CDH26: variants seen among roughly 807,000 people sequenced by gnomAD.
CDH26 encodes cadherin-like protein 26.
In CDH26, 83 loss-of-function variants were observed where a neutral mutation model predicts 90.3. The ratio of observed to expected loss-of-function variants is 0.92; its 90% confidence interval spans 0.77 to 1.10. CDH26 has a LOEUF of 1.10. CDH26 is among the 50% of genes least tolerant of loss of function. The pLI is 0.00. For missense variants in CDH26, 1,013 were observed against 1,037.6 expected, an observed-to-expected ratio of 0.98 and a Z score of 0.33; for synonymous variants, 397 against 396.3, an observed-to-expected ratio of 1.00 and a Z score of -0.02.
Position 60,021,865 on chromosome 20 carries a change from C to CACACACACACACACACACACACAT in CDH26, c.948-9343_948-9342insTACACACACACACACACACACACA, listed in dbSNP as rs1555903626. The stretch of plus-strand genomic sequence containing the variant: ...CCTTATCTGTACACACACACACACA[C>CACACACACACACACACACACACAT]ACACACACACACACACACACACACA... On this transcript the variant is annotated intron_variant, in intron 7 of 8. Transcript: ENST00000370991. 5.2e-3 allele frequency among the ~76,000 whole-genome samples: 393 copies of CACACACACACACACACACACACAT among 75,882 alleles called. 9 individuals are homozygous for CACACACACACACACACACACACAT. The highest frequency in any genetic ancestry group is 0.016 in the African/African-American group (360 of 22,474). The allele number at this position is 75,882 out of a possible 152,430, so 49.8% of individuals were successfully genotyped here.
At chr20:59,999,387 A>C (rs1316046968) in intron 13 of CDH26, among the ~76,000 whole-genome samples, 199 bp from the exon 14 acceptor site, 1 of 152,218 alleles carries the variant, frequency 6.6e-6, no homozygotes, top group Non-Finnish European at 1.5e-5. Context: ...CAATTACAAA[A>C]GGCAAACAGA....
At chr20:60,033,863 A>T in exon 9 of CDH26, 1 of 828,376 alleles carries the variant, frequency 1.2e-6, no homozygotes, top group Non-Finnish European at 1.5e-6. Flanking sequence ...TCCTCTGCAA[A>T]CTGTGGATGG....
exon 8 of CDH26, chr20:60,031,318 A>C: frequency 7.7e-7 from 1 of 1,295,944 alleles, no homozygotes; most frequent in Middle Eastern, 2.1e-4. Flanking sequence ...GCCACAAGAC[A>C]TTTACAAGGA....
At chr20:59,963,889 C>T (rs1377682824) in intron 1 of CDH26, among the ~76,000 whole-genome samples, 1 of 152,046 alleles carries the variant, frequency 6.6e-6, no homozygotes, top group Non-Finnish European at 1.5e-5. Context: ...CCTCACTGTC[C>T]AATTTCATTA....
intron 4 of CDH26, among the ~76,000 whole-genome samples, chr20:59,977,828 T>TA (rs2061344999): frequency 6.6e-6 from 1 of 152,218 alleles, no homozygotes; most frequent in Non-Finnish European, 1.5e-5. Flanking sequence ...CTTGGCATCT[T>TA]ACGTTTTATG....
intron 7 of CDH26, among the ~76,000 whole-genome samples, chr20:60,023,253 A>G (rs2061972394): frequency 6.6e-6 from 1 of 152,256 alleles, no homozygotes; most frequent in Non-Finnish European, 1.5e-5. Flanking sequence ...AAAGTGAGGA[A>G]GAATTAAATG....
Position 59,989,085 on chromosome 20 carries a change from T to A in CDH26, c.1205T>A (p.Ile402Asn), listed in dbSNP as rs764807038. 2 of 1,614,016 alleles carry A rather than the reference T, an allele frequency of 1.2e-6. No homozygotes were observed. The highest frequency in any genetic ancestry group is 1.7e-6 in the Non-Finnish European group (2 of 1,180,038). Residue 402 changes from isoleucine to asparagine, a missense_variant, in exon 9 of 18, where the codon ATT becomes AAT. By Grantham distance (149) the Ile-to-Asn change is moderately radical (BLOSUM62 -3). Transcript: ENST00000348616. ...CCAGCCTTTCACCCCCAGAGCTTCA[T>A]TGTCAATAAAGAGGAGGGCGCCAGG... The part of the protein sequence containing the change: ...DPPAFHPQSF[I>N]VNKEEGARPG...
At chr20:60,027,262 G>A (rs2062005245) in intron 7 of CDH26, among the ~76,000 whole-genome samples, 1 of 152,124 alleles carries the variant, frequency 6.6e-6, no homozygotes, top group Non-Finnish European at 1.5e-5. Flanking sequence ...GGAGGGTGAT[G>A]GTCATAGGGT....
At chr20:60,005,197 T>A (rs982801623) in intron 16 of CDH26, among the ~76,000 whole-genome samples, 52 of 152,322 alleles carry the variant, frequency 3.4e-4, no homozygotes, top group Non-Finnish European at 6.3e-4. Context: ...ATAATACATA[T>A]GACATACAAA....
intron 15 of CDH26, 109 bp downstream of exon 15, chr20:60,001,520 G>T: frequency 6.8e-7 from 1 of 1,475,580 alleles, no homozygotes; most frequent in African/African-American, 1.4e-5. Flanking sequence ...GTCAGAAAAA[G>T]GCACATAGTC....
chr20:60,001,405 G>A lies in CDH26; in HGVS notation c.2160G>A (p.Gly720=). The A allele has an allele frequency of 3.7e-6, 6 of 1,613,834 alleles. No homozygotes were observed. Among genetic ancestry groups the A allele is most frequent in the Middle Eastern group, 1.7e-4 (1 of 6,052 alleles). ...CAGCCCAAGCACGCTGTGCTCTGGG[G>A]AGCTGGGTGAGTTCCAGAAGGTTGC... is the stretch of plus-strand genomic sequence containing the variant. ...SQSAQARCAL[G]SWGYGKPFEP... is the part of the protein sequence containing the mutation. Residue 720 remains glycine (G), a synonymous_variant, in exon 15 of 18, where the codon GGG becomes GGA. Coordinates refer to ENST00000348616, the MANE Select transcript of CDH26 (RefSeq NM_177980.4).
chr20:60,006,549 C>G (rs991252161), intron 16 of CDH26, among the ~76,000 whole-genome samples, 164 bp from the exon 17 acceptor site: 1 of 152,206 alleles, frequency 6.6e-6, no homozygotes, highest in African/African-American at 2.4e-5. Context: ...TCTCCCCCAA[C>G]ACAAAGAGAG....
chr20:60,034,431 C>G (rs568666015), downstream of CDH26, among the ~76,000 whole-genome samples: 8 of 152,316 alleles, frequency 5.3e-5, no homozygotes, highest in East Asian at 1.4e-3. Context: ...AGGCCCAGAG[C>G]AGAGACCCAG....
intron 4 of CDH26, among the ~76,000 whole-genome samples, chr20:59,978,768 T>A (rs2061356113): frequency 6.6e-6 from 1 of 152,204 alleles, no homozygotes; most frequent in East Asian, 1.9e-4. Context: ...CTTTTCTCTC[T>A]GGTCTAATTC....
At position 60,006,787 on chromosome 20, in the gene CDH26, G is replaced by C. The variant is rs557927275; in HGVS notation, c.2295G>C (p.Gln765His). ...VEGRMAETLN[Q>H]KLHVANVLED... is the part of the protein sequence containing the mutation. ...GAAGGATGGCAGAGACATTGAATCA[G>C]GTAGGGAGAGCTCCCCTTGTGCTGT... is the stretch of plus-strand genomic sequence containing the variant. Residue 765 changes from glutamine to histidine, a missense_variant and splice_region_variant, in exon 17 of 18, where the codon CAG becomes CAC. Transcript: ENST00000348616. The C allele has an allele frequency of 3.1e-6, 5 of 1,612,660 alleles. No homozygotes were observed. The South Asian group carries it at 5.5e-5, about 18-fold the overall frequency.
At position 60,023,418 on chromosome 20, in the gene CDH26, G is replaced by A. The variant is rs199754345; in HGVS notation, c.948-7813G>A. ...TAATGGATGTGTTCAGGCGGCAGGG[G>A]CTCAAATATTGTGAGCTAGAGAGCC... On this transcript the variant is annotated intron_variant, in intron 7 of 8. Transcript: ENST00000370991. Among the ~76,000 whole-genome samples, 19 of 152,338 alleles carry A rather than the reference G, an allele frequency of 1.2e-4. No individual in the cohort carries two copies. In the East Asian group the frequency reaches 3.7e-3, roughly 29 times the overall value.
chr20:60,014,954 A>T (rs1006199822), downstream of CDH26, among the ~76,000 whole-genome samples: 1 of 152,188 alleles, frequency 6.6e-6, no homozygotes, highest in African/African-American at 2.4e-5. Flanking sequence ...CAACCTCACC[A>T]GCATTTGCTT....
intron 7 of CDH26, among the ~76,000 whole-genome samples, chr20:60,022,357 C>A (rs747752718): frequency 5.9e-5 from 9 of 152,178 alleles, no homozygotes; most frequent in African/African-American, 2.2e-4. Context: ...CCAAAGATAG[C>A]GGCAGTCTGA....
chr20:59,996,809 A>G (rs6064876), intron 13 of CDH26, 48 bp downstream of exon 13: 35,758 of 1,611,758 alleles, frequency 0.022, 478 homozygotes, highest in Middle Eastern at 0.028. Context: ...ATTCACTAAT[A>G]CACAGACATA....
Sources: gnomAD v4.1 joint callset for allele counts (sites outside exome capture counted in the v4.1 genomes callset) on GRCh38, gnomAD v4.1.1 for gene constraint, MANE v1.5 for transcripts, NCBI Gene and HGNC (gene_info 2026-07-23, HGNC 2026-07-21) for gene names.